Variants in STAT3 observed in about 807,000 individuals in gnomAD.
The protein encoded by STAT3 is DNA-binding protein APRF.
Under a neutral mutation model 114.3 loss-of-function variants are expected in STAT3, and 7 were observed. The ratio of observed to expected loss-of-function variants is 0.06; its 90% confidence interval spans 0.03 to 0.11. The LOEUF (loss-of-function observed/expected upper bound fraction) is 0.11. Among genes scored for constraint, STAT3 ranks in the 10% least tolerant of loss-of-function variants. The probability of loss-of-function intolerance (pLI) is 1.00; values close to 1 mark genes in which losing one functional copy is unlikely to be tolerated. For synonymous variants in STAT3, 331 were observed against 354.5 expected, an observed-to-expected ratio of 0.93 and a Z score of 0.74; for missense variants, 364 against 960.9, an observed-to-expected ratio of 0.38 and a Z score of 8.21.
At chr17:42,348,671 T>C in intron 1 of STAT3, 132 bp from the exon 2 acceptor site, 1 of 1,005,640 alleles carries the variant, frequency 9.9e-7, no homozygotes, top group Admixed American at 2.5e-5. Context: ...ACCCTGCTTC[T>C]TTCTCCCAGT....
At chr17:42,364,663 C>T (rs2145192133) in intron 1 of STAT3, among the ~76,000 whole-genome samples, 1 of 152,184 alleles carries the variant, frequency 6.6e-6, no homozygotes, top group South Asian at 2.1e-4. Context: ...TTGTATTTTT[C>T]GTAGAGATGG....
In STAT3 at chr17:42,324,920, G is replaced by T. The variant is rs745383889; in HGVS notation, c.1464+43C>A. 1.9e-6 allele frequency: 3 copies of T among 1,614,058 alleles called. No homozygotes were observed. The highest frequency in any genetic ancestry group is 3.3e-5 in the Admixed American group (2 of 60,008). On this transcript the variant is annotated intron_variant, in intron 16 of 23. Transcript: ENST00000264657. The surrounding 1 kb of genome is among the most constrained non-coding windows in gnomAD (Gnocchi z 4.5). ...TGTCTATACTAGGTACCCCTAAGTC[G>T]CAAGAGATCCCGGGGCACCAACTAA... is the stretch of plus-strand genomic sequence containing the variant.
intron 1 of STAT3, among the ~76,000 whole-genome samples, chr17:42,355,274 G>C (rs548904319): frequency 6.6e-6 from 1 of 152,054 alleles, no homozygotes; most frequent in Non-Finnish European, 1.5e-5. Flanking sequence ...TTCTAGAATT[G>C]GGCAACACTT....
At chr17:42,355,901 C>T (rs921479854) in intron 1 of STAT3, among the ~76,000 whole-genome samples, 4 of 152,078 alleles carry the variant, frequency 2.6e-5, no homozygotes, top group South Asian at 2.1e-4. Context: ...TGAGGGAAGG[C>T]GGAAAGAGAG....
chr17:42,339,159 G>C (rs2082338953), intron 5 of STAT3, among the ~76,000 whole-genome samples, 155 bp downstream of exon 5: 1 of 151,648 alleles, frequency 6.6e-6, no homozygotes, highest in Non-Finnish European at 1.5e-5. Context: ...GGGAGGATGA[G>C]GTAGGAGGAT....
chr17:42,355,882 C>T lies in STAT3; in HGVS notation c.-23-7343G>A, dbSNP rs190453222. ...TCACATCCATGCACTAGTGGATTTA[C>T]AACGAGGGTGAGGGAAGGCGGAAAG... On this transcript the variant is annotated intron_variant, in intron 1 of 23. Transcript: ENST00000264657. Among the ~76,000 whole-genome samples the T allele has an allele frequency of 2.0e-5, 3 of 152,278 alleles. No individual in the cohort carries two copies. The East Asian group carries it at 5.8e-4, about 29-fold the overall frequency.
At chr17:42,334,155 CA>C (rs1332406672) in intron 8 of STAT3, 106 bp from the exon 9 acceptor site, 1 of 1,340,716 alleles carries the variant, frequency 7.5e-7, no homozygotes, top group East Asian at 2.4e-5. Context: ...ACAATAAGAA[CA>C]AGGAATTTTT....
intron 4 of STAT3, among the ~76,000 whole-genome samples, chr17:42,341,790 T>C (rs1395062452): frequency 1.3e-5 from 2 of 151,766 alleles, no homozygotes; most frequent in Non-Finnish European, 2.9e-5. Context: ...CTGCCACAAA[T>C]AGCCCTGCCA....
intron 1 of STAT3, among the ~76,000 whole-genome samples, chr17:42,369,651 GTTTT>G (rs1259649922): frequency 6.8e-6 from 1 of 148,086 alleles, no homozygotes; most frequent in Non-Finnish European, 1.5e-5. Flanking sequence ...TCTTTTTTTT[GTTTT>G]GTTTTGTTTC....
intron 1 of STAT3, among the ~76,000 whole-genome samples, chr17:42,357,986 A>G (rs1348598583): frequency 2.0e-5 from 3 of 152,234 alleles, no homozygotes; most frequent in African/African-American, 4.8e-5. Context: ...AATTACTGTA[A>G]TGTTCAATTA....
chr17:42,345,787 T>C, intron 3 of STAT3, 130 bp from the exon 4 acceptor site: 1 of 938,186 alleles, frequency 1.1e-6, no homozygotes, highest in Middle Eastern at 3.1e-4. Context: ...GAACAAAGGC[T>C]TCAGAGCCTG....
chr17:42,375,829 CAAA>C (rs959659509), intron 1 of STAT3, among the ~76,000 whole-genome samples: 1 of 116,982 alleles, frequency 8.5e-6, no homozygotes. Flanking sequence ...AACTCCATCT[CAAA>C]AAAAAAAAAG....
At chr17:42,377,220 A>G (rs1193079589) in intron 1 of STAT3, among the ~76,000 whole-genome samples, 1 of 152,074 alleles carries the variant, frequency 6.6e-6, no homozygotes, top group African/African-American at 2.4e-5. Flanking sequence ...ATAGCCTAGA[A>G]TACTACTCTG....
intron 1 of STAT3, among the ~76,000 whole-genome samples, chr17:42,361,068 G>T (rs2083484121): frequency 6.6e-6 from 1 of 152,118 alleles, no homozygotes; most frequent in South Asian, 2.1e-4. Context: ...TCTTCCCCAT[G>T]AAGTAATACA....
chr17:42,345,229 C>T (rs1373528313), intron 4 of STAT3, among the ~76,000 whole-genome samples: 1 of 150,838 alleles, frequency 6.6e-6, no homozygotes, highest in Admixed American at 6.6e-5. Context: ...CGCGCCATTG[C>T]ACTCTAGCCT....
chr17:42,318,209 G>C (rs2081328523), intron 21 of STAT3, among the ~76,000 whole-genome samples: 2 of 151,802 alleles, frequency 1.3e-5, no homozygotes, highest in South Asian at 4.2e-4. Context: ...TACAACCTCT[G>C]CCTCCAGGGT....
At chr17:42,361,658 C>A (rs1271737368) in intron 1 of STAT3, among the ~76,000 whole-genome samples, 2 of 152,096 alleles carry the variant, frequency 1.3e-5, no homozygotes, top group Non-Finnish European at 2.9e-5. Flanking sequence ...GGTGCCAGTT[C>A]TTAGCCCAGA....
chr17:42,318,170 TG>T (rs981996601), intron 21 of STAT3, among the ~76,000 whole-genome samples: 1 of 152,124 alleles, frequency 6.6e-6, no homozygotes, highest in African/African-American at 2.4e-5. Flanking sequence ...TCGCCCAGGT[TG>T]GAGTGCAGTA....
chr17:42,329,386 T>C, intron 14 of STAT3, 24 bp downstream of exon 14: 1 of 1,613,244 alleles, frequency 6.2e-7, no homozygotes, highest in Non-Finnish European at 8.5e-7. Context: ...ACCCCAGTTG[T>C]CTTTCATCCC....
Sources: gnomAD v4.1 joint callset for allele counts (sites outside exome capture counted in the v4.1 genomes callset) on GRCh38, gnomAD v4.1.1 for gene constraint, Gnocchi (gnomAD v3.1) non-coding constraint, MANE v1.5 for transcripts, NCBI Gene and HGNC (gene_info 2026-07-23, HGNC 2026-07-21) for gene names.